Variants in C6orf132 observed in about 807,000 individuals in gnomAD.
C6orf132 encodes the protein uncharacterized protein C6orf132.
Under a neutral mutation model 65.3 loss-of-function variants are expected in C6orf132, and 43 were observed. The observed-to-expected ratio is 0.66, with a 90% CI of 0.52 to 0.85. C6orf132 has a LOEUF of 0.85. C6orf132 is among the 40% of genes least tolerant of loss of function. The pLI, the probability that C6orf132 is intolerant of heterozygous loss-of-function variation, is 0.00. For synonymous variants in C6orf132, 631 were observed against 654.1 expected, an observed-to-expected ratio of 0.96 and a Z score of 0.54; for missense variants, 1,488 against 1,548.8, an observed-to-expected ratio of 0.96 and a Z score of 0.66.
At chr6:42,111,278 ATTTTT>A (rs61241413) in intron 2 of C6orf132, among the ~76,000 whole-genome samples, 2 of 119,968 alleles carry the variant, frequency 1.7e-5, no homozygotes, top group Non-Finnish European at 3.3e-5. Context: ...TTCCTGGCTA[ATTTTT>A]TTTTTTTTTT....
chr6:42,135,365 A>G (rs547336290), intron 1 of C6orf132, among the ~76,000 whole-genome samples: 1 of 152,284 alleles, frequency 6.6e-6, no homozygotes, highest in South Asian at 2.1e-4. Flanking sequence ...CCTCTCCCCA[A>G]CAGGCAGACC....
rs1349668724 is a variant in C6orf132, at chr6:42,104,052, C to G, written c.3450-174G>C. ...ACCGCAGACATCACAAACAGGGCTC[C>G]CATTCTGGTCTGGGCCCTGCTGGCC... On this transcript the variant is annotated intron_variant, in intron 4 of 4. Transcript: ENST00000341865. The surrounding 1 kb of genome is among the most constrained non-coding windows in gnomAD (Gnocchi z 4.1). 6.6e-6 allele frequency among the ~76,000 whole-genome samples: 1 copy of G among 152,218 alleles called. No homozygotes were observed. The highest frequency in any genetic ancestry group is 1.5e-5 in the Non-Finnish European group (1 of 68,038).
intron 1 of C6orf132, among the ~76,000 whole-genome samples, chr6:42,130,345 T>C (rs1285814762): frequency 2.0e-5 from 3 of 152,126 alleles, no homozygotes; most frequent in Non-Finnish European, 2.9e-5. Context: ...TCTGACTCAA[T>C]GGGAAACAAC....
Position 42,104,428 on chromosome 6 carries a change from C to T in C6orf132, c.3449+35G>A, listed in dbSNP as rs1236597218. 1 of 1,229,702 alleles carries T rather than the reference C, an allele frequency of 8.1e-7. No homozygotes were observed. Among genetic ancestry groups the T allele is most frequent in the Non-Finnish European group, 1.0e-6 (1 of 986,894 alleles). 76.2% of individuals were successfully genotyped at this position (1,229,702 alleles called of 1,614,324 possible). A position where few individuals can be genotyped will look rare whatever the true frequency, so the allele number is the denominator to read the frequency against. The stretch of plus-strand genomic sequence containing the variant: ...GGCCCTCGCCTGGCTTTCCACCCCT[C>T]CTGGCTTCCCGCACCAGCCGGGCCC... On this transcript the variant is annotated intron_variant, in intron 4 of 4. Coordinates refer to ENST00000341865, the MANE Select transcript of C6orf132 (RefSeq NM_001164446.3). This position sits in a 1 kb window ranked among gnomAD's most constrained non-coding sequence, Gnocchi z 4.1.
At chr6:42,132,256 C>T (rs542181306) in intron 1 of C6orf132, among the ~76,000 whole-genome samples, 2 of 152,256 alleles carry the variant, frequency 1.3e-5, no homozygotes, top group East Asian at 3.9e-4. Flanking sequence ...GGGCTCACAC[C>T]TGTAATCCCA....
At chr6:42,123,931 T>C (rs1766728692) in intron 2 of C6orf132, among the ~76,000 whole-genome samples, 1 of 152,056 alleles carries the variant, frequency 6.6e-6, no homozygotes, top group Non-Finnish European at 1.5e-5. Context: ...AACCTCCCTT[T>C]CCAGAGGCGG....
chr6:42,114,221 T>G (rs2127475109), intron 2 of C6orf132, among the ~76,000 whole-genome samples: 1 of 152,312 alleles, frequency 6.6e-6, no homozygotes, highest in South Asian at 2.1e-4. Context: ...CCTGGCTTCT[T>G]AGGTCCCTAT....
rs766912447 is a variant in C6orf132 at position 42,128,714 on chromosome 6, T to C, written c.210A>G (p.Lys70=). Residue 70 remains lysine (K), a synonymous_variant, in exon 2 of 5, where the codon AAA becomes AAG. Transcript: ENST00000341865. ...GCAGGGGCCGGACTCTTGGCCGAGC[T>C]TTCAGCGTGGCTGTTCCTGACTCGC... ...TVSESGTATL[K]ARPRVRPLLT... is the part of the protein sequence containing the mutation. 4 of 1,551,578 alleles carry C rather than the reference T, an allele frequency of 2.6e-6. No homozygotes were observed. Among genetic ancestry groups the C allele is most frequent in the South Asian group, 2.4e-5 (2 of 84,052 alleles).
chr6:42,141,012 G>C (rs1002689900), intron 1 of C6orf132, among the ~76,000 whole-genome samples: 5 of 152,174 alleles, frequency 3.3e-5, no homozygotes, highest in Non-Finnish European at 1.5e-5. Context: ...CTGTCAGCTC[G>C]AATGCTAGTT....
At position 42,105,360 on chromosome 6, in the gene C6orf132, T is replaced by G; in HGVS notation, c.2552A>C (p.Lys851Thr). 4 of 1,536,494 alleles carry G rather than the reference T, an allele frequency of 2.6e-6. No individual in the cohort carries two copies. Among genetic ancestry groups the G allele is most frequent in the South Asian group, 2.4e-5 (2 of 84,056 alleles). ...CAGGGCAGCCCCTACAGACCTTCCC[T>G]TCTGAGCCCTCTGCCTGGCCGCCAG... ...LLLAARQRAQ[K>T]GRSVGAALGR... Residue 851 changes from lysine (K) to threonine (T), a missense_variant, in exon 4 of 5, where the codon AAG (lysine) becomes ACG (threonine). By Grantham distance (78) the Lys-to-Thr change is moderately conservative. Coordinates refer to ENST00000341865, the MANE Select transcript of C6orf132 (RefSeq NM_001164446.3).
At chr6:42,103,965 G>T in intron 4 of C6orf132, 87 bp from the exon 5 acceptor site, 2 of 937,494 alleles carry the variant, frequency 2.1e-6, no homozygotes, top group Non-Finnish European at 2.9e-6. Context: ...GAGAGGAAAA[G>T]ATGCTGCTCA....
chr6:42,125,175 GAGAAGGAAAA>G (rs990987587), intron 2 of C6orf132, among the ~76,000 whole-genome samples: 21 of 152,272 alleles, frequency 1.4e-4, no homozygotes, highest in African/African-American at 4.8e-4. Flanking sequence ...GTCCTGGAAG[GAGAAGGAAAA>G]AGCTTCTATG....
At chr6:42,120,692 G>T (rs1192334246) in intron 2 of C6orf132, among the ~76,000 whole-genome samples, 2 of 152,042 alleles carry the variant, frequency 1.3e-5, no homozygotes, top group Non-Finnish European at 2.9e-5. Context: ...CACGATCTTG[G>T]CTCACTGCAA....
chr6:42,106,659 G>A lies in C6orf132; in HGVS notation c.1253C>T (p.Pro418Leu). 1.3e-6 allele frequency: 2 copies of A among 1,487,658 alleles called. No individual in the cohort carries two copies. Among genetic ancestry groups the A allele is most frequent in the Non-Finnish European group, 8.9e-7 (1 of 1,119,160 alleles). 92.2% of individuals were successfully genotyped at this position (1,487,658 alleles called of 1,614,324 possible). A position where few individuals can be genotyped will look rare whatever the true frequency, so the allele number is the denominator to read the frequency against. The change falls in exon 4 of 5, where the codon CCC (proline) becomes CTC (leucine). Residue 418 changes from proline to leucine, a missense_variant. Transcript: ENST00000341865. ...PPLPPAAPPL[P>L]CAQKAAHPPA... ...TGGATGGGCTGCCTTCTGAGCACAG[G>A]GCAAAGGAGGTGCAGCTGGGGGAAG...
intron 2 of C6orf132, among the ~76,000 whole-genome samples, chr6:42,110,805 CAT>C (rs1766483143): frequency 6.6e-6 from 1 of 152,196 alleles, no homozygotes; most frequent in Non-Finnish European, 1.5e-5. Flanking sequence ...CAGCTGGGAA[CAT>C]GTGCATTGAG....
At position 42,106,766 on chromosome 6, in the gene C6orf132, T is replaced by C; in HGVS notation, c.1146A>G (p.Gln382=). Residue 382 remains glutamine (Q), a synonymous_variant, in exon 4 of 5, where the codon CAA becomes CAG. Coordinates refer to ENST00000341865, the MANE Select transcript of C6orf132 (RefSeq NM_001164446.3). ...ASPRLGQSQS[Q]ADERAGTPPP... ...GCGGAGTCCCAGCTCGTTCATCTGC[T>C]TGGGACTGGGACTGGCCAAGCCTTG... 2.0e-6 allele frequency: 3 copies of C among 1,533,102 alleles called. No homozygotes were observed. The highest frequency in any genetic ancestry group is 2.6e-6 in the Non-Finnish European group (3 of 1,146,318). The allele number at this position is 1,533,102 out of a possible 1,614,324, so 95.0% of individuals were successfully genotyped here.
At position 42,103,719 on chromosome 6, in the gene C6orf132, A is replaced by G; in HGVS notation, c.*42T>C. On this transcript the variant is annotated 3_prime_UTR_variant, in exon 5 of 5. Transcript: ENST00000341865. The stretch of plus-strand genomic sequence containing the variant: ...ACAAGAAACAAGTGCCCAGATCCTT[A>G]AAGACACAGTTTGTTGGAGTAGAGC... 2 of 1,237,968 alleles carry G rather than the reference A, an allele frequency of 1.6e-6. No individual in the cohort carries two copies. The highest frequency in any genetic ancestry group is 2.1e-6 in the Non-Finnish European group (2 of 962,596). The allele number at this position is 1,237,968 out of a possible 1,614,324, so 76.7% of individuals were successfully genotyped here. A position where few individuals can be genotyped will look rare whatever the true frequency, so the allele number is the denominator to read the frequency against.
At chr6:42,133,728 C>T (rs987462359) in intron 1 of C6orf132, among the ~76,000 whole-genome samples, 1 of 150,768 alleles carries the variant, frequency 6.6e-6, no homozygotes, top group Non-Finnish European at 1.5e-5. Flanking sequence ...AACCAAATTT[C>T]CCCCCAAATG....
In C6orf132 at chr6:42,106,019, G is replaced by A. The variant is rs1281377171; in HGVS notation, c.1893C>T (p.Leu631=). The A allele has an allele frequency of 6.5e-7, 1 of 1,537,262 alleles. No homozygotes were observed. The highest frequency in any genetic ancestry group is 2.0e-5 in the Admixed American group (1 of 51,006). Residue 631 remains leucine, a synonymous_variant, in exon 4 of 5, where the codon CTC becomes CTT. Coordinates refer to ENST00000341865, the MANE Select transcript of C6orf132 (RefSeq NM_001164446.3). The part of the protein sequence containing the change: ...QSTTLLPTTS[L]QPKAMLGPAI... The stretch of plus-strand genomic sequence containing the variant: ...CTGGTCCCAACATAGCCTTGGGCTG[G>A]AGTGATGTAGTTGGCAGCAGGGTGG...
Sources: gnomAD v4.1 joint callset for allele counts (sites outside exome capture counted in the v4.1 genomes callset) on GRCh38, gnomAD v4.1.1 for gene constraint, Gnocchi (gnomAD v3.1) non-coding constraint, MANE v1.5 for transcripts, NCBI Gene and HGNC (gene_info 2026-07-23, HGNC 2026-07-21) for gene names.